Variants in HELB observed in about 807,000 individuals in gnomAD.
HELB encodes the protein DNA 5'-3' helicase B.
A neutral mutation model predicts 101.7 loss-of-function variants in HELB; 96 were observed. The observed-to-expected ratio is 0.94, with a 90% confidence interval of 0.80 to 1.12. The LOEUF (loss-of-function observed/expected upper bound fraction) is 1.12. Among genes scored for constraint, HELB ranks in the 50% most tolerant of loss-of-function variants. The pLI, the probability that HELB is intolerant of heterozygous loss-of-function variation, is 0.00. For synonymous variants in HELB, 437 were observed against 459.7 expected (o/e 0.95, Z 0.63); for missense variants, 1,210 against 1,291.9 (o/e 0.94, Z 0.97).
chr12:66,302,946 T>A (rs1467637636), intron 1 of HELB, among the ~76,000 whole-genome samples, 156 bp downstream of exon 1: 1 of 151,698 alleles, frequency 6.6e-6, no homozygotes, highest in Non-Finnish European at 1.5e-5. Context: ...ATTATGACTA[T>A]AATAATAGCA....
chr12:66,309,890 C>A lies in HELB; in HGVS notation c.962C>A (p.Thr321Lys). The A allele has an allele frequency of 1.2e-6, 2 of 1,614,122 alleles. No individual in the cohort carries two copies. Among genetic ancestry groups the A allele is most frequent in the Non-Finnish European group, 1.7e-6 (2 of 1,179,990 alleles). ...TYVEVNDLTL[T>K]LSNHMSFHAA... ...GTTGAAGTGAATGACTTAACTTTGACATTGTCAAATCATATGTCATTTCAT... is the reference window on the plus strand; with the variant it reads ...GTTGAAGTGAATGACTTAACTTTGAAATTGTCAAATCATATGTCATTTCAT... The change falls in exon 4 of 13, where the codon ACA becomes AAA. Residue 321 changes from threonine to lysine, a missense_variant. Transcript: ENST00000247815.
chr12:66,325,447 G>C (rs925571763), intron 11 of HELB, among the ~76,000 whole-genome samples: 5 of 152,240 alleles, frequency 3.3e-5, no homozygotes, highest in Non-Finnish European at 4.4e-5. Flanking sequence ...TGTTCATCAT[G>C]GATCCTTTTG....
chr12:66,318,690 A>C lies in HELB; in HGVS notation c.2053A>C (p.Asn685His). 1 of 1,607,672 alleles carries C rather than the reference A, an allele frequency of 6.2e-7. No individual in the cohort carries two copies. The change falls in exon 7 of 13, where the codon AAT becomes CAT. Residue 685 changes from asparagine to histidine, a missense_variant. Asn to His is a moderately conservative substitution (Grantham distance 68, BLOSUM62 1). Coordinates refer to ENST00000247815, the MANE Select transcript of HELB (RefSeq NM_001370285.1). ...KFDAELNISD[N>H]PTLPISIQDK... ...TGATGCAGAACTAAATATCTCTGAT[A>C]ATCCAACATTACCCATCTCAATTCA...
chr12:66,318,596 G>T (rs1355972284), intron 6 of HELB, 42 bp from the exon 7 acceptor site: 1 of 1,540,166 alleles, frequency 6.5e-7, no homozygotes, highest in African/African-American at 1.4e-5. Context: ...GACATTTTTG[G>T]ATGATAATGT....
intron 7 of HELB, among the ~76,000 whole-genome samples, chr12:66,319,832 T>A (rs2053650008): frequency 6.6e-6 from 1 of 152,070 alleles, no homozygotes; most frequent in Admixed American, 6.6e-5. Context: ...TACAACAATG[T>A]ATTTAAATAA....
In HELB at chr12:66,328,665, A is replaced by C. The variant is rs78160961; in HGVS notation, c.2671-2489A>C. ...ATGTGAATCTTCTTTTTCAACTACAAATTTTATGAACTCTAGAAATAGATT... is the reference window on the plus strand; with the variant it reads ...ATGTGAATCTTCTTTTTCAACTACACATTTTATGAACTCTAGAAATAGATT... On this transcript the variant is annotated intron_variant, in intron 11 of 12. Coordinates refer to ENST00000247815, the MANE Select transcript of HELB (RefSeq NM_001370285.1). Among the ~76,000 whole-genome samples the C allele has an allele frequency of 3.8e-3, 577 of 152,370 alleles. 5 individuals are homozygous for C. The highest frequency in any genetic ancestry group is 0.012 in the African/African-American group (510 of 41,598).
At chr12:66,312,877 AT>A (rs2053560133) in intron 4 of HELB, among the ~76,000 whole-genome samples, 1 of 152,166 alleles carries the variant, frequency 6.6e-6, no homozygotes, top group African/African-American at 2.4e-5. Flanking sequence ...TGAAGTTCAA[AT>A]TTAACTGGAT....
chr12:66,319,203 T>C (rs1236363012), intron 7 of HELB, among the ~76,000 whole-genome samples: 1 of 152,254 alleles, frequency 6.6e-6, no homozygotes, highest in Admixed American at 6.5e-5. Context: ...TTTATTTTGT[T>C]TCTGAAACAA....
chr12:66,310,021 TTTTCAATTTGTGACCTGA>T lies in HELB; in HGVS notation c.1095_1112del (p.Phe365_Met371delinsLeu). 6.2e-7 allele frequency: 1 copy of T among 1,614,186 alleles called. No homozygotes were observed. The highest frequency in any genetic ancestry group is 1.3e-5 in the African/African-American group (1 of 75,044). ...TTACCATGCTGAAAGAGCCATCGCC[TTTTCAATTTGTGACCTGA>T]TGAAGAAACCTCCTTGGCATTTATG... is the stretch of plus-strand genomic sequence containing the variant. On this transcript the variant is annotated inframe_deletion, in exon 4 of 13. Transcript: ENST00000247815.
chr12:66,310,650 G>T (rs531304418), intron 4 of HELB, 42 bp downstream of exon 4: 1 of 1,559,550 alleles, frequency 6.4e-7, no homozygotes, highest in Non-Finnish European at 8.7e-7. Context: ...AACATTTGTC[G>T]GCCGGGCACA....
chr12:66,332,191 A>G (rs1309878514), intron 12 of HELB, among the ~76,000 whole-genome samples: 3 of 152,138 alleles, frequency 2.0e-5, no homozygotes, highest in African/African-American at 7.2e-5. Context: ...CAATTTCTCC[A>G]TTTCAATCAC....
intron 7 of HELB, chr12:66,321,708 T>A (rs1495495): frequency 0.65 from 266,416 of 409,640 alleles, 89,583 homozygotes; most frequent in Middle Eastern, 0.77. Context: ...GGAACTGTCC[T>A]GGCCAGGGGT....
intron 11 of HELB, among the ~76,000 whole-genome samples, chr12:66,327,140 G>C (rs993477117): frequency 2.7e-5 from 4 of 149,436 alleles, no homozygotes; most frequent in Admixed American, 6.8e-5. Flanking sequence ...TTCTTGCCAG[G>C]GGTGGTTGGA....
At position 66,324,058 on chromosome 12, in the gene HELB, A is replaced by G; in HGVS notation, c.2373A>G (p.Leu791=). The G allele has an allele frequency of 6.2e-7, 1 of 1,613,772 alleles. No individual in the cohort carries two copies. Among genetic ancestry groups the G allele is most frequent in the South Asian group, 1.1e-5 (1 of 91,078 alleles). ...CCTRNAYLSD[L]LPENISGSQQ... ...CCAGGAATGCATACCTCTCAGACTT[A>G]CTACCTGAAAATATCTCTGGAAGTC... Residue 791 remains leucine, a synonymous_variant, in exon 10 of 13, where the codon TTA becomes TTG. Coordinates refer to ENST00000247815, the MANE Select transcript of HELB (RefSeq NM_001370285.1).
At chr12:66,317,183 C>T (rs180810935) in intron 6 of HELB, among the ~76,000 whole-genome samples, 11 of 150,896 alleles carry the variant, frequency 7.3e-5, no homozygotes, top group East Asian at 5.8e-4. Context: ...GGTGATAGAG[C>T]GCGACTCCAT....
intron 4 of HELB, among the ~76,000 whole-genome samples, chr12:66,312,059 A>G (rs1030773997): frequency 6.6e-6 from 1 of 152,250 alleles, no homozygotes; most frequent in Non-Finnish European, 1.5e-5. Context: ...AGTGGAAATT[A>G]AACTTGGGTT....
intron 9 of HELB, among the ~76,000 whole-genome samples, chr12:66,323,301 G>C (rs557082147): frequency 2.0e-5 from 3 of 152,108 alleles, no homozygotes; most frequent in Non-Finnish European, 4.4e-5. Context: ...CCTGTCTGCT[G>C]AGGGAAGTTA....
rs776965102 is a variant in HELB, at chr12:66,306,492, C to T, written c.755C>T (p.Pro252Leu). 1.9e-4 allele frequency: 304 copies of T among 1,580,984 alleles called. No homozygotes were observed. Among genetic ancestry groups the T allele is most frequent in the Non-Finnish European group, 2.5e-4 (291 of 1,164,562 alleles). The stretch of plus-strand genomic sequence containing the variant: ...ATAGAAGAGATTTTAGGTACACATC[C>T]GTGGAAACTTGGATTTAGTAAAGTA... ...KEIEEILGTH[P>L]WKLGFSKITY... Residue 252 changes from proline to leucine, a missense_variant, in exon 3 of 13, where the codon CCG becomes CTG. Physicochemically the swap from Pro to Leu is moderately conservative, Grantham distance 98. This residue lies in a region of HELB where 470 missense variants were observed against 563.1 expected (regional missense o/e 0.83). Coordinates refer to ENST00000247815, the MANE Select transcript of HELB (RefSeq NM_001370285.1).
intron 12 of HELB, among the ~76,000 whole-genome samples, chr12:66,334,484 AAAAAG>A (rs1284938534): frequency 1.3e-5 from 2 of 151,176 alleles, no homozygotes; most frequent in East Asian, 3.9e-4. Flanking sequence ...AAAAAAAAAA[AAAAAG>A]CAAGGCTAGG....
Sources: allele counts gnomAD v4.1 joint callset (sites outside exome capture counted in the v4.1 genomes callset), GRCh38; gene constraint gnomAD v4.1.1; regional missense constraint gnomAD v4.1.1; transcripts MANE v1.5; gene names NCBI Gene and HGNC (gene_info 2026-07-23, HGNC 2026-07-21).